Variants in PPFIA2 observed in about 807,000 individuals in gnomAD.
The protein encoded by PPFIA2 is PPFI scaffold protein A2, also known as liprin-alpha-2.
In PPFIA2, 46 loss-of-function variants were observed where a neutral mutation model predicts 175.5. The ratio of observed to expected loss-of-function variants is 0.26; its 90% CI spans 0.21 to 0.34. PPFIA2 has a LOEUF of 0.34. Among genes scored for constraint, PPFIA2 ranks in the 10% least tolerant of loss-of-function variants. The pLI, the probability that PPFIA2 is intolerant of heterozygous loss-of-function variation, is 1.00. For missense variants in PPFIA2, 1,179 were observed against 1,506.1 expected (o/e 0.78, Z 3.60); for synonymous variants, 568 against 511.4 (o/e 1.11, Z -1.49).
chr12:81,542,041 T>A (rs1299977643), intron 4 of PPFIA2, among the ~76,000 whole-genome samples: 2 of 151,276 alleles, frequency 1.3e-5, no homozygotes, highest in African/African-American at 4.9e-5. Flanking sequence ...AAAAAAAAAA[T>A]GTATCTGTTC....
At chr12:81,286,399 AT>A (rs1015985810) in intron 24 of PPFIA2, among the ~76,000 whole-genome samples, 3 of 151,946 alleles carry the variant, frequency 2.0e-5, no homozygotes, top group East Asian at 3.9e-4. Context: ...CACGTGTACC[AT>A]TTTTTATCTT....
intron 4 of PPFIA2, among the ~76,000 whole-genome samples, chr12:81,528,580 A>G (rs1414495767): frequency 6.6e-6 from 1 of 152,144 alleles, no homozygotes; most frequent in Non-Finnish European, 1.5e-5. Context: ...GCAATGCTTT[A>G]TAATTGTCTA....
At chr12:81,330,112 C>A (rs916292288) in intron 21 of PPFIA2, among the ~76,000 whole-genome samples, 1 of 152,076 alleles carries the variant, frequency 6.6e-6, no homozygotes, top group Non-Finnish European at 1.5e-5. Context: ...AATGGAGTCA[C>A]TATTGTTAAG....
chr12:81,586,487 A>G (rs897898515), intron 4 of PPFIA2, among the ~76,000 whole-genome samples: 2 of 151,908 alleles, frequency 1.3e-5, no homozygotes, highest in Non-Finnish European at 2.9e-5. Context: ...AGTAAATTAT[A>G]TTTTAAAATT....
intron 8 of PPFIA2, among the ~76,000 whole-genome samples, chr12:81,390,154 G>A (rs1049637082): frequency 6.6e-5 from 10 of 151,998 alleles, no homozygotes; most frequent in Non-Finnish European, 1.0e-4. Context: ...TTCCATCATG[G>A]GGATATATTA....
intron 4 of PPFIA2, among the ~76,000 whole-genome samples, chr12:81,570,256 A>G (rs74106657): frequency 0.12 from 18,378 of 152,182 alleles, 1,222 homozygotes; most frequent in Middle Eastern, 0.13. Flanking sequence ...TTGACTTGAC[A>G]ATTACATTTA....
chr12:81,673,863 T>C (rs2071919381), intron 4 of PPFIA2, among the ~76,000 whole-genome samples: 1 of 151,948 alleles, frequency 6.6e-6, no homozygotes, highest in Non-Finnish European at 1.5e-5. Context: ...AAATCATGAA[T>C]GAGTGATTTT....
Position 81,652,559 on chromosome 12 carries a change from G to A in PPFIA2, c.303+24232C>T, listed in dbSNP as rs138565636. ...AAATAAATCAGTTATATCAATTACT[G>A]TGGGGCAATAGAATGTGGTTCCCCA... On this transcript the variant is annotated intron_variant, in intron 4 of 32. Coordinates refer to ENST00000549396, the MANE Select transcript of PPFIA2 (RefSeq NM_003625.5). 3.3e-5 allele frequency among the ~76,000 whole-genome samples: 5 copies of A among 152,024 alleles called. No homozygotes were observed. In the East Asian group the frequency reaches 9.7e-4, roughly 30 times the overall value.
At chr12:81,662,360 A>G (rs1422034026) in intron 4 of PPFIA2, among the ~76,000 whole-genome samples, 1 of 152,204 alleles carries the variant, frequency 6.6e-6, no homozygotes, top group Non-Finnish European at 1.5e-5. Context: ...AAACAATGAT[A>G]AAGGGGATAT....
At chr12:81,642,764 A>ATATG (rs1167895620) in intron 4 of PPFIA2, among the ~76,000 whole-genome samples, 1 of 11,736 alleles carries the variant, frequency 8.5e-5, no homozygotes, top group Non-Finnish European at 2.3e-4. Flanking sequence ...ACATACATGT[A>ATATG]TATGTATGTA....
Position 81,367,094 on chromosome 12 carries a change from A to G in PPFIA2, c.1545+14T>C. The G allele has an allele frequency of 6.8e-7, 1 of 1,465,728 alleles. No homozygotes were observed. The highest frequency in any genetic ancestry group is 9.1e-7 in the Non-Finnish European group (1 of 1,103,988). 90.8% of individuals were successfully genotyped at this position (1,465,728 alleles called of 1,614,324 possible). A position where few individuals can be genotyped will look rare whatever the true frequency, so the allele number is the denominator to read the frequency against. On this transcript the variant is annotated intron_variant, in intron 14 of 32. Coordinates refer to ENST00000549396, the MANE Select transcript of PPFIA2 (RefSeq NM_003625.5). Reference sequence around the variant, plus strand: ...AAATAGAAAATGGGCCCAAAACATAAGTTTCCATTATACCTTATCATGTAA... The same window carrying G: ...AAATAGAAAATGGGCCCAAAACATAGGTTTCCATTATACCTTATCATGTAA...
intron 3 of PPFIA2, among the ~76,000 whole-genome samples, chr12:81,678,112 T>C (rs1468586313): frequency 6.6e-6 from 1 of 151,884 alleles, no homozygotes. Flanking sequence ...AAAAATGTTC[T>C]TTCTTATGAC....
In PPFIA2 at chr12:81,367,172, TAAAGA is replaced by T; in HGVS notation, c.1483-7_1483-3del. 2.2e-6 allele frequency: 3 copies of T among 1,385,182 alleles called. No individual in the cohort carries two copies. Among genetic ancestry groups the T allele is most frequent in the Non-Finnish European group, 2.9e-6 (3 of 1,050,092 alleles). 85.8% of individuals were successfully genotyped at this position (1,385,182 alleles called of 1,614,324 possible). Reference sequence around the variant, plus strand: ...TTCTGATTCTTGAATTAAAACATTCTAAAGAAAAGAAAATAGCAGAAATAATTAAT... The same window carrying T: ...TTCTGATTCTTGAATTAAAACATTCTAAAGAAAATAGCAGAAATAATTAAT... On this transcript the variant is annotated splice_region_variant and splice_polypyrimidine_tract_variant and intron_variant, in intron 13 of 32. Transcript: ENST00000549396.
intron 7 of PPFIA2, chr12:81,431,294 CTATT>C (rs1237044021): frequency 2.6e-5 from 4 of 152,274 alleles, no homozygotes; most frequent in South Asian, 2.1e-4. Flanking sequence ...AGGATGTAAT[CTATT>C]TATTACCCCT....
At chr12:81,428,836 T>A (rs1213257690) in intron 7 of PPFIA2, among the ~76,000 whole-genome samples, 1 of 152,030 alleles carries the variant, frequency 6.6e-6, no homozygotes, top group African/African-American at 2.4e-5. Flanking sequence ...ATCTCACAAC[T>A]GTTGGCAGGC....
chr12:81,304,920 T>C (rs144651838), intron 22 of PPFIA2, among the ~76,000 whole-genome samples: 5 of 152,046 alleles, frequency 3.3e-5, no homozygotes, highest in Non-Finnish European at 7.4e-5. Flanking sequence ...TAGCACGGAC[T>C]TGAGTCAGGC....
At chr12:81,503,590 GA>G (rs1400883385) in intron 4 of PPFIA2, among the ~76,000 whole-genome samples, 30 of 142,788 alleles carry the variant, frequency 2.1e-4, no homozygotes, top group East Asian at 8.2e-4. Context: ...GGAAATAAAA[GA>G]AAAAAAAAAC....
At chr12:81,561,217 TCATGAA>T in intron 4 of PPFIA2, among the ~76,000 whole-genome samples, 1 of 152,262 alleles carries the variant, frequency 6.6e-6, no homozygotes, top group African/African-American at 2.4e-5. Context: ...AGAGCAAACT[TCATGAA>T]CAGAATATGC....
At chr12:81,453,803 T>C (rs2053090781) in intron 5 of PPFIA2, among the ~76,000 whole-genome samples, 1 of 152,206 alleles carries the variant, frequency 6.6e-6, no homozygotes, top group African/African-American at 2.4e-5. Context: ...CAACGAGGTG[T>C]TTCTGTGGAG....
Sources: allele counts gnomAD v4.1 joint callset (sites outside exome capture counted in the v4.1 genomes callset), GRCh38; gene constraint gnomAD v4.1.1; transcripts MANE v1.5; gene names NCBI Gene and HGNC (gene_info 2026-07-23, HGNC 2026-07-21).